TSPAN9: variants seen among roughly 807,000 people sequenced by gnomAD.
TSPAN9 encodes the protein tetraspanin 9.
Under a neutral mutation model 31.0 loss-of-function variants are expected in TSPAN9, and 16 were observed. The ratio of observed to expected loss-of-function variants is 0.52; its 90% CI spans 0.35 to 0.78. The LOEUF (loss-of-function observed/expected upper bound fraction) is 0.78. Among genes scored for constraint, TSPAN9 ranks in the 30% least tolerant of loss-of-function variants. TSPAN9 has a pLI of 0.01. For synonymous variants in TSPAN9, 145 were observed against 121.6 expected (o/e 1.19, Z -1.27); for missense variants, 272 against 312.5 (o/e 0.87, Z 0.98).
At position 3,283,241 on chromosome 12, in the gene TSPAN9, C is replaced by A; in HGVS notation, c.*125C>A. ...CACCCACCCCCCACAGCCTGCCCTA[C>A]CCCACCTACCCTGCCTCAGCCTCGG... On this transcript the variant is annotated 3_prime_UTR_variant, in exon 9 of 9. Coordinates refer to ENST00000011898, the MANE Select transcript of TSPAN9 (RefSeq NM_006675.5). 2.2e-6 allele frequency: 2 copies of A among 927,594 alleles called. No individual in the cohort carries two copies. Among genetic ancestry groups the A allele is most frequent in the East Asian group, 5.7e-5 (2 of 34,834 alleles). The allele number at this position is 927,594 out of a possible 1,614,324, so 57.5% of individuals were successfully genotyped here. A position where few individuals can be genotyped will look rare whatever the true frequency, so the allele number is the denominator to read the frequency against.
At chr12:3,116,102 T>C (rs973758310) in intron 2 of TSPAN9, among the ~76,000 whole-genome samples, 3 of 152,236 alleles carry the variant, frequency 2.0e-5, no homozygotes, top group African/African-American at 7.2e-5. Flanking sequence ...AAAAGCAATG[T>C]ATGTTTATTG....
At chr12:3,270,160 C>A (rs1459453346) in intron 3 of TSPAN9, among the ~76,000 whole-genome samples, 1 of 152,176 alleles carries the variant, frequency 6.6e-6, no homozygotes, top group East Asian at 1.9e-4. Context: ...TTTTCCAGTT[C>A]CCCATGGAGG....
chr12:3,149,187 T>C (rs934212753), intron 2 of TSPAN9, among the ~76,000 whole-genome samples: 2 of 152,226 alleles, frequency 1.3e-5, no homozygotes, highest in Non-Finnish European at 2.9e-5. Flanking sequence ...AATGAAGGGC[T>C]CCTCACCTGC....
chr12:3,137,474 C>T (rs1036092625), intron 2 of TSPAN9, among the ~76,000 whole-genome samples: 1 of 152,232 alleles, frequency 6.6e-6, no homozygotes, highest in African/African-American at 2.4e-5. Context: ...CCAGCTGACA[C>T]AGCCCTTGTA....
At chr12:3,277,464 G>T (rs1036853688) in intron 3 of TSPAN9, among the ~76,000 whole-genome samples, 1 of 152,194 alleles carries the variant, frequency 6.6e-6, no homozygotes, top group African/African-American at 2.4e-5. Context: ...CCAGAACAGA[G>T]GCCCCTGGAA....
intron 3 of TSPAN9, among the ~76,000 whole-genome samples, chr12:3,225,178 G>A (rs1470275960): frequency 2.0e-5 from 3 of 152,160 alleles, no homozygotes; most frequent in Non-Finnish European, 2.9e-5. Context: ...CCCAGGAGGG[G>A]CCCCCAGCCT....
intron 2 of TSPAN9, among the ~76,000 whole-genome samples, chr12:3,105,774 A>ACACGCGCACACGCTCATACACACTCACG (rs1555141408): frequency 1.5e-5 from 2 of 137,096 alleles, no homozygotes; most frequent in Non-Finnish European, 3.2e-5. Context: ...ACGCGCACGC[A>ACACGCGCACACGCTCATACACACTCACG]CACACGCTCA....
At chr12:3,264,608 C>T (rs1862509155) in intron 3 of TSPAN9, among the ~76,000 whole-genome samples, 3 of 152,190 alleles carry the variant, frequency 2.0e-5, no homozygotes, top group African/African-American at 4.8e-5. Flanking sequence ...CGGCTGGGGC[C>T]GGGGCAGTGC....
At chr12:3,249,258 G>A (rs1224397832) in intron 3 of TSPAN9, among the ~76,000 whole-genome samples, 1 of 152,118 alleles carries the variant, frequency 6.6e-6, no homozygotes, top group Admixed American at 6.5e-5. Context: ...CCCCGCGGGT[G>A]GTCAGACCTC....
intron 2 of TSPAN9, among the ~76,000 whole-genome samples, chr12:3,094,100 G>A (rs1258554690): frequency 6.6e-6 from 1 of 152,078 alleles, no homozygotes; most frequent in Non-Finnish European, 1.5e-5. Context: ...GGCCTTAAGG[G>A]GTTCTTTTGC....
At chr12:3,275,680 CCA>C (rs1473179511) in intron 3 of TSPAN9, among the ~76,000 whole-genome samples, 1 of 152,224 alleles carries the variant, frequency 6.6e-6, no homozygotes. Context: ...TTGTGATGGC[CCA>C]GTTGGGCGAT....
rs146249265 is a variant in TSPAN9, at chr12:3,261,449, G to A, written c.64-16972G>A. ...TAGAGCTGGGATTCAGAACCTAGGCGCTGGCTCGAGCCTACGCTCTCAACC... is the reference window on the plus strand; with the variant it reads ...TAGAGCTGGGATTCAGAACCTAGGCACTGGCTCGAGCCTACGCTCTCAACC... On this transcript the variant is annotated intron_variant, in intron 3 of 8. Coordinates refer to ENST00000011898, the MANE Select transcript of TSPAN9 (RefSeq NM_006675.5). Among the ~76,000 whole-genome samples, 1,456 of 152,240 alleles carry A rather than the reference G, an allele frequency of 9.6e-3. 13 individuals carry two copies. The highest frequency in any genetic ancestry group is 0.027 in the Middle Eastern group (8 of 294).
At chr12:3,162,505 C>T (rs2098345938) in intron 2 of TSPAN9, among the ~76,000 whole-genome samples, 1 of 152,082 alleles carries the variant, frequency 6.6e-6, no homozygotes, top group Admixed American at 6.6e-5. Context: ...AACTCTTGTT[C>T]TACCTGGAGA....
chr12:3,124,142 G>C (rs2153966464), intron 2 of TSPAN9, among the ~76,000 whole-genome samples: 1 of 152,326 alleles, frequency 6.6e-6, no homozygotes. Context: ...CTGGCGCACA[G>C]AACGGATTTA....
intron 2 of TSPAN9, among the ~76,000 whole-genome samples, chr12:3,092,144 A>G (rs905983172): frequency 1.3e-5 from 2 of 152,212 alleles, no homozygotes; most frequent in Admixed American, 6.5e-5. Flanking sequence ...GCCTGCTCCA[A>G]CTGAGGGCTC....
chr12:3,090,369 A>G (rs1028568742), intron 2 of TSPAN9, among the ~76,000 whole-genome samples: 9 of 152,216 alleles, frequency 5.9e-5, no homozygotes, highest in African/African-American at 1.7e-4. Context: ...TGGTCTCTGC[A>G]GTCTTGCCTG....
rs57877186 is a variant in TSPAN9 at position 3,122,320 on chromosome 12, C to CA, written c.-18+38612dup. On this transcript the variant is annotated intron_variant, in intron 2 of 8. Transcript: ENST00000011898. Reference sequence around the variant, plus strand: ...TGGGCGACAGAGTGAGACTCTATCTCAAAAAAAAAAAGGAGATAGAGTCTT... The same window carrying CA: ...TGGGCGACAGAGTGAGACTCTATCTCAAAAAAAAAAAAGGAGATAGAGTCTT... 6.3e-4 allele frequency among the ~76,000 whole-genome samples: 90 copies of CA among 141,826 alleles called. No homozygotes were observed. The Middle Eastern group carries it at 0.014, about 23-fold the overall frequency. The allele number at this position is 141,826 out of a possible 152,430, so 93.0% of individuals were successfully genotyped here.
At chr12:3,220,449 ACT>A (rs1442564049) in intron 3 of TSPAN9, among the ~76,000 whole-genome samples, 3 of 151,922 alleles carry the variant, frequency 2.0e-5, no homozygotes, top group Non-Finnish European at 4.4e-5. Flanking sequence ...CACCTTCCTG[ACT>A]CTCCAGCGGT....
At chr12:3,208,286 C>CGG (rs1223265315) in intron 3 of TSPAN9, among the ~76,000 whole-genome samples, 2 of 151,668 alleles carry the variant, frequency 1.3e-5, no homozygotes, top group Admixed American at 1.3e-4. Flanking sequence ...TTCGGGCCTT[C>CGG]GGGGTATATG....
Sources: gnomAD v4.1 joint callset for allele counts (sites outside exome capture counted in the v4.1 genomes callset) on GRCh38, gnomAD v4.1.1 for gene constraint, MANE v1.5 for transcripts, NCBI Gene and HGNC (gene_info 2026-07-23, HGNC 2026-07-21) for gene names.